Variants in DLG1 observed in about 807,000 individuals in gnomAD.
DLG1 encodes the protein discs large MAGUK scaffold protein 1, also known as disks large homolog 1.
Under a neutral mutation model 123.4 loss-of-function variants are expected in DLG1, and 42 were observed. The observed-to-expected ratio is 0.34, with a 90% confidence interval of 0.27 to 0.44. The LOEUF (loss-of-function observed/expected upper bound fraction) is 0.44, where lower values mean the gene tolerates loss of function less well. Among genes scored for constraint, DLG1 ranks in the 20% least tolerant of loss-of-function variants. The pLI, the probability that DLG1 is intolerant of heterozygous loss-of-function variation, is 1.00. For synonymous variants in DLG1, 317 were observed against 356.2 expected (o/e 0.89, Z 1.24); for missense variants, 942 against 1,082.6 (o/e 0.87, Z 1.82).
chr3:197,130,810 G>C, intron 10 of DLG1, 139 bp from the exon 11 acceptor site: 1 of 619,374 alleles, frequency 1.6e-6, no homozygotes, highest in Non-Finnish European at 2.7e-6. Context: ...ACCCATGTTT[G>C]ATGTCTATGA....
chr3:197,240,093 T>C (rs1357437271), intron 4 of DLG1, among the ~76,000 whole-genome samples: 1 of 152,156 alleles, frequency 6.6e-6, no homozygotes. Flanking sequence ...AAAATATCCC[T>C]GCGGATAGGC....
At position 197,247,856 on chromosome 3, in the gene DLG1, C is replaced by A. The variant is rs1187381367; in HGVS notation, c.318+34823G>T. 3.9e-5 allele frequency among the ~76,000 whole-genome samples: 6 copies of A among 152,106 alleles called. No individual in the cohort carries two copies. The East Asian group carries it at 1.2e-3, about 29-fold the overall frequency. On this transcript the variant is annotated intron_variant, in intron 4 of 24. Transcript: ENST00000667157. ...AATCCTTCATATTAGAGGTTTCTTG[C>A]CTTCCCTCTCCCTAGAGGCTTAACC...
intron 4 of DLG1, among the ~76,000 whole-genome samples, chr3:197,255,451 T>C (rs1448311517): frequency 6.6e-6 from 1 of 152,218 alleles, no homozygotes; most frequent in African/African-American, 2.4e-5. Flanking sequence ...GCCTCCTGCT[T>C]TGTCCTATTA....
chr3:197,150,140 T>C (rs1350468496), intron 5 of DLG1, among the ~76,000 whole-genome samples: 4 of 152,146 alleles, frequency 2.6e-5, no homozygotes, highest in Non-Finnish European at 4.4e-5. Context: ...CATTGTTTTC[T>C]CTTCCCAAAG....
chr3:197,169,449 T>C (rs1055396939), intron 5 of DLG1, among the ~76,000 whole-genome samples: 1 of 152,226 alleles, frequency 6.6e-6, no homozygotes, highest in African/African-American at 2.4e-5. Context: ...AGAGTTGGTA[T>C]ATCTTGGTGA....
At chr3:197,198,801 G>A (rs1361703938) in intron 4 of DLG1, among the ~76,000 whole-genome samples, 3 of 152,074 alleles carry the variant, frequency 2.0e-5, no homozygotes, top group African/African-American at 7.2e-5. Context: ...TGGAAAAATG[G>A]GAACTCTCAT....
In DLG1 at chr3:197,116,053, G is replaced by A; in HGVS notation, c.1317C>T (p.Gly439=). ...CAATGTTGAAACCAAGGCCCGTTGA[G>A]CCACGATGAAGAACAACTTTTCTAG... The part of the protein sequence containing the change: ...REPRKVVLHR[G]STGLGFNIVG... Residue 439 remains glycine, a synonymous_variant, in exon 13 of 25, where the codon GGC becomes GGT. Transcript: ENST00000667157. 6.2e-7 allele frequency: 1 copy of A among 1,605,066 alleles called. No individual in the cohort carries two copies. Among genetic ancestry groups the A allele is most frequent in the South Asian group, 1.1e-5 (1 of 88,310 alleles).
At chr3:197,197,063 A>G (rs557648117) in intron 4 of DLG1, among the ~76,000 whole-genome samples, 1 of 152,350 alleles carries the variant, frequency 6.6e-6, no homozygotes, top group African/African-American at 2.4e-5. Context: ...TTTAATTTAT[A>G]AGTTCCCTCT....
intron 22 of DLG1, among the ~76,000 whole-genome samples, chr3:197,063,928 ATTT>A (rs34773162): frequency 5.3e-5 from 7 of 132,338 alleles, no homozygotes; most frequent in Non-Finnish European, 1.6e-5. Flanking sequence ...CTTAATTTAC[ATTT>A]TTTTTTTTTT....
At chr3:197,250,287 G>C (rs2150845355) in intron 4 of DLG1, among the ~76,000 whole-genome samples, 1 of 152,238 alleles carries the variant, frequency 6.6e-6, no homozygotes, top group South Asian at 2.1e-4. Context: ...AATTTAAAAA[G>C]CACCGGGCAC....
intron 17 of DLG1, among the ~76,000 whole-genome samples, chr3:197,078,258 G>A (rs960511390): frequency 2.6e-5 from 4 of 151,128 alleles, no homozygotes; most frequent in Non-Finnish European, 4.4e-5. Flanking sequence ...AGGCTGCAAT[G>A]ATTAGCTATG....
At chr3:197,294,429 G>A (rs1376191098) in intron 3 of DLG1, among the ~76,000 whole-genome samples, 4 of 152,044 alleles carry the variant, frequency 2.6e-5, no homozygotes, top group South Asian at 4.1e-4. Flanking sequence ...GGTGGATCAC[G>A]AGGTCAGGAG....
At chr3:197,290,358 A>G (rs1037203181) in intron 3 of DLG1, among the ~76,000 whole-genome samples, 3 of 152,206 alleles carry the variant, frequency 2.0e-5, no homozygotes, top group Non-Finnish European at 2.9e-5. Flanking sequence ...AAATTTTGCT[A>G]AGGAGTAGGA....
rs114731725 is a variant in DLG1, at chr3:197,153,913, C to T, written c.484-4117G>A. 9.7e-3 allele frequency among the ~76,000 whole-genome samples: 1,476 copies of T among 152,098 alleles called. 17 individuals are homozygous for T. Among genetic ancestry groups the T allele is most frequent in the African/African-American group, 0.023 (959 of 41,502 alleles). On this transcript the variant is annotated intron_variant, in intron 5 of 24. Transcript: ENST00000667157. The stretch of plus-strand genomic sequence containing the variant: ...TGGAGAAGAAGGAGAATCTGATTTT[C>T]AGAGTTACCAAATTATTAAATTCAA...
chr3:197,294,936 C>T (rs1007824410), intron 3 of DLG1, among the ~76,000 whole-genome samples: 7 of 151,974 alleles, frequency 4.6e-5, no homozygotes, highest in African/African-American at 7.3e-5. Flanking sequence ...TATACTGTTG[C>T]GAAAAAACAT....
chr3:197,172,980 T>G (rs1455954232), intron 5 of DLG1, among the ~76,000 whole-genome samples: 2 of 152,206 alleles, frequency 1.3e-5, no homozygotes, highest in African/African-American at 2.4e-5. Context: ...CCTCTGAGGT[T>G]CCACTAATTT....
At chr3:197,116,139 T>C in intron 12 of DLG1, 56 bp from the exon 13 acceptor site, 4 of 1,426,074 alleles carry the variant, frequency 2.8e-6, no homozygotes, top group Non-Finnish European at 2.9e-6. Flanking sequence ...CCTGACATTC[T>C]ATCAGTGAGA....
At chr3:197,280,799 T>A (rs992987057) in intron 4 of DLG1, among the ~76,000 whole-genome samples, 2 of 152,204 alleles carry the variant, frequency 1.3e-5, no homozygotes, top group African/African-American at 4.8e-5. Flanking sequence ...AACCTAGAAC[T>A]AAGACAATAA....
At chr3:197,166,731 A>G (rs565539603) in intron 5 of DLG1, among the ~76,000 whole-genome samples, 1 of 152,254 alleles carries the variant, frequency 6.6e-6, no homozygotes, top group East Asian at 1.9e-4. Context: ...CTCTACTAAA[A>G]ATACAAAAAA....
Sources: allele counts gnomAD v4.1 joint callset (sites outside exome capture counted in the v4.1 genomes callset), GRCh38; gene constraint gnomAD v4.1.1; transcripts MANE v1.5; gene names NCBI Gene and HGNC (gene_info 2026-07-23, HGNC 2026-07-21).